SMG6: variants seen among roughly 807,000 people sequenced by gnomAD.
The protein encoded by SMG6 is telomerase-binding protein EST1A.
SMG6 carries 66 observed loss-of-function variants against 142.2 expected under a neutral mutation model. That is an observed-to-expected ratio of 0.46 (90% CI 0.38 to 0.57). The LOEUF is 0.57. Among genes scored for constraint, SMG6 ranks in the 20% least tolerant of loss-of-function variants. The pLI, the probability that SMG6 is intolerant of heterozygous loss-of-function variation, is 0.00. For synonymous variants in SMG6, 779 were observed against 702.4 expected, an observed-to-expected ratio of 1.11 and a Z score of -1.72; for missense variants, 1,793 against 1,832.0, an observed-to-expected ratio of 0.98 and a Z score of 0.39.
At chr17:2,237,826 T>G (rs529905505) in intron 9 of SMG6, among the ~76,000 whole-genome samples, 1 of 152,186 alleles carries the variant, frequency 6.6e-6, no homozygotes, top group Non-Finnish European at 1.5e-5. Flanking sequence ...TCAAGCTTGG[T>G]GCTAGAGAGA....
At position 2,068,292 on chromosome 17, in the gene SMG6, C is replaced by T. The variant is rs2068004930; in HGVS notation, c.3835+486G>A. Among the ~76,000 whole-genome samples the T allele has an allele frequency of 6.6e-6, 1 of 152,160 alleles. No homozygotes were observed. On this transcript the variant is annotated intron_variant, in intron 16 of 18. Transcript: ENST00000263073. This position sits in a 1 kb window ranked among gnomAD's most constrained non-coding sequence, Gnocchi z 6.7. ...TCTGGAGGGTTCCTGCTGGCCTAGC[C>T]TTAGGGTGACACTGGCCAGAAGAAT...
At chr17:2,108,698 T>C (rs902553000) in intron 13 of SMG6, among the ~76,000 whole-genome samples, 1 of 152,052 alleles carries the variant, frequency 6.6e-6, no homozygotes, top group Admixed American at 6.6e-5. Flanking sequence ...TCCAGAACTT[T>C]GGGAGGCCAA....
At chr17:2,277,816 G>A (rs2151372881) in intron 8 of SMG6, among the ~76,000 whole-genome samples, 1 of 152,296 alleles carries the variant, frequency 6.6e-6, no homozygotes, top group South Asian at 2.1e-4. Flanking sequence ...AGGCAAAGGT[G>A]GGAGGATCAC....
At chr17:2,206,654 G>A (rs1374073277) in intron 10 of SMG6, among the ~76,000 whole-genome samples, 1 of 152,118 alleles carries the variant, frequency 6.6e-6, no homozygotes. Context: ...GCCAAGGCAG[G>A]CGGATTGCCT....
chr17:2,158,690 G>A (rs1294653425), intron 13 of SMG6, among the ~76,000 whole-genome samples: 6 of 152,102 alleles, frequency 3.9e-5, no homozygotes, highest in African/African-American at 1.4e-4. Flanking sequence ...GGCTAAGGCA[G>A]GTAGATCGCT....
intron 13 of SMG6, among the ~76,000 whole-genome samples, chr17:2,097,389 G>A (rs962025502): frequency 2.0e-5 from 3 of 151,954 alleles, no homozygotes; most frequent in South Asian, 2.1e-4. Flanking sequence ...GCTTGCCTCC[G>A]CCTCCCAAAG....
At chr17:2,114,935 A>AT (rs1181279268) in intron 13 of SMG6, among the ~76,000 whole-genome samples, 39 of 116,530 alleles carry the variant, frequency 3.3e-4, no homozygotes, top group Non-Finnish European at 6.0e-4. Context: ...ATAAAATAAA[A>AT]TAAAATAAAA....
chr17:2,165,960 C>G (rs1309594285), intron 13 of SMG6, among the ~76,000 whole-genome samples: 2 of 151,968 alleles, frequency 1.3e-5, no homozygotes, highest in Non-Finnish European at 2.9e-5. Context: ...GCCTGCAATC[C>G]CAGCACTTAG....
chr17:2,214,028 G>C (rs1259653115), intron 10 of SMG6: 1 of 152,376 alleles, frequency 6.6e-6, no homozygotes, highest in African/African-American at 2.4e-5. Flanking sequence ...CCATTTGTCA[G>C]CCAGGGGATG....
chr17:2,205,786 T>C (rs1488853897), intron 10 of SMG6, among the ~76,000 whole-genome samples: 4 of 152,076 alleles, frequency 2.6e-5, no homozygotes, highest in East Asian at 1.9e-4. Context: ...CTTACAGATA[T>C]ATAGATAAAT....
rs1266818110 is a variant in SMG6 at position 2,098,659 on chromosome 17, T to C, written c.3358-12758A>G. ...TGTTGTTGTTGTTGTTGAGACAGTC[T>C]CGGTCTTGTTGCCCAGGCTGGAGTG... On this transcript the variant is annotated intron_variant, in intron 13 of 18. Transcript: ENST00000263073. Among the ~76,000 whole-genome samples the C allele has an allele frequency of 5.3e-5, 8 of 152,320 alleles. No homozygotes were observed. In the East Asian group the frequency reaches 1.3e-3, roughly 26 times the overall value.
intron 13 of SMG6, among the ~76,000 whole-genome samples, chr17:2,118,699 C>T (rs1157946567): frequency 2.7e-5 from 4 of 150,032 alleles, no homozygotes; most frequent in Non-Finnish European, 5.9e-5. Context: ...GCAGCCTTGC[C>T]GTGCACGGCT....
At chr17:2,086,114 A>C (rs573508453) in intron 13 of SMG6, among the ~76,000 whole-genome samples, 69 of 152,266 alleles carry the variant, frequency 4.5e-4, no homozygotes, top group African/African-American at 1.4e-3. Context: ...TTCTGAGGTT[A>C]TCTCTCCTTA....
At chr17:2,196,129 T>TCAAA (rs2072317183) in intron 10 of SMG6, among the ~76,000 whole-genome samples, 1 of 151,926 alleles carries the variant, frequency 6.6e-6, no homozygotes, top group African/African-American at 2.4e-5. Context: ...CTGATGAAAA[T>TCAAA]CAAAGACAAA....
At chr17:2,196,855 C>T (rs2072345240) in intron 10 of SMG6, among the ~76,000 whole-genome samples, 1 of 151,912 alleles carries the variant, frequency 6.6e-6, no homozygotes, top group African/African-American at 2.4e-5. Flanking sequence ...ATAGCAAGAC[C>T]CCACCTCTTC....
chr17:2,270,887 A>G (rs1318824866), intron 8 of SMG6, among the ~76,000 whole-genome samples: 2 of 152,234 alleles, frequency 1.3e-5, no homozygotes, highest in Admixed American at 6.5e-5. Context: ...TAATTGGTCT[A>G]TCAGATGCCT....
chr17:2,153,840 G>A (rs1164582955), intron 13 of SMG6, among the ~76,000 whole-genome samples: 4 of 129,814 alleles, frequency 3.1e-5, no homozygotes, highest in East Asian at 2.3e-4. Context: ...AGAGTGTGAC[G>A]GTGACTGGGA....
intron 10 of SMG6, among the ~76,000 whole-genome samples, chr17:2,196,884 A>C (rs1217679716): frequency 6.6e-6 from 1 of 152,206 alleles, no homozygotes; most frequent in Non-Finnish European, 1.5e-5. Flanking sequence ...AATTAAAAGG[A>C]GGAATATCTT....
chr17:2,108,759 CA>C (rs2069224750), intron 13 of SMG6, among the ~76,000 whole-genome samples: 1 of 152,150 alleles, frequency 6.6e-6, no homozygotes, highest in Non-Finnish European at 1.5e-5. Flanking sequence ...CTGGCCAATA[CA>C]GCGAAGACCC....
Sources: gnomAD v4.1 joint callset for allele counts (sites outside exome capture counted in the v4.1 genomes callset) on GRCh38, gnomAD v4.1.1 for gene constraint, Gnocchi (gnomAD v3.1) non-coding constraint, MANE v1.5 for transcripts, NCBI Gene and HGNC (gene_info 2026-07-23, HGNC 2026-07-21) for gene names.